The following LSM14B variants were observed in gnomAD, a reference collection of about 807,000 sequenced individuals.
The protein encoded by LSM14B is protein LSM14 homolog B.
Under a neutral mutation model 42.1 loss-of-function variants are expected in LSM14B, and 8 were observed. The ratio of observed to expected loss-of-function variants is 0.19; its 90% confidence interval spans 0.11 to 0.34. The LOEUF (loss-of-function observed/expected upper bound fraction) is 0.34. LSM14B is among the 10% of genes least tolerant of loss of function. LSM14B has a pLI of 1.00. For synonymous variants in LSM14B, 219 were observed against 209.7 expected (o/e 1.04, Z -0.38); for missense variants, 396 against 513.1 (o/e 0.77, Z 2.21).
chr20:62,130,399 G>T lies in LSM14B; in HGVS notation c.673+103G>T. ...CTGGTTGACGGTTTCAGGGGTGCTG[G>T]TGTGAAGTCGCTGCTTGTGTGCTCT... On this transcript the variant is annotated intron_variant, in intron 5 of 8. Transcript: ENST00000279068. This position sits in a 1 kb window ranked among gnomAD's most constrained non-coding sequence, Gnocchi z 4.1. The T allele has an allele frequency of 6.6e-7, 1 of 1,523,692 alleles. No homozygotes were observed. Among genetic ancestry groups the T allele is most frequent in the Non-Finnish European group, 8.9e-7 (1 of 1,121,410 alleles). The allele number at this position is 1,523,692 out of a possible 1,614,324, so 94.4% of individuals were successfully genotyped here. A position where few individuals can be genotyped will look rare whatever the true frequency, so the allele number is the denominator to read the frequency against.
rs970134473 is a variant in LSM14B, at chr20:62,130,771, T to C, written c.835+80T>C. 32 of 1,462,116 alleles carry C rather than the reference T, an allele frequency of 2.2e-5. No individual in the cohort carries two copies. In the Admixed American group the frequency reaches 5.0e-4, roughly 23 times the overall value. The allele number at this position is 1,462,116 out of a possible 1,614,324, so 90.6% of individuals were successfully genotyped here. ...TTAGGAGGAGATGCCTGGCCGGGTG[T>C]GGTGGTTCACGCCTGTAATCTCAGC... is the stretch of plus-strand genomic sequence containing the variant. On this transcript the variant is annotated intron_variant, in intron 6 of 8. Transcript: ENST00000279068. The surrounding 1 kb of genome is among the most constrained non-coding windows in gnomAD (Gnocchi z 4.1).
Position 62,134,914 on chromosome 20 carries a change from C to T in LSM14B, c.*766C>T, listed in dbSNP as rs533160435. ...GAGCCCCGGCAGCGCCTTGGCCCTT[C>T]TGTGGTCCCTGCCAGCCTCTGACCT... On this transcript the variant is annotated 3_prime_UTR_variant, in exon 9 of 9. Transcript: ENST00000279068. 6.5e-6 allele frequency: 1 copy of T among 152,764 alleles called. No homozygotes were observed. The highest frequency in any genetic ancestry group is 6.5e-5 in the Admixed American group (1 of 15,320). 9.5% of individuals were successfully genotyped at this position (152,764 alleles called of 1,614,324 possible).
rs752988851 is a variant in LSM14B, at chr20:62,130,703, T to C, written c.835+12T>C. ...ACTGAATTTTAAAGGTTTGGCTCAT[T>C]ATATGAAAATTATTCTCTGCACAGG... On this transcript the variant is annotated intron_variant, in intron 6 of 8. Transcript: ENST00000279068. This position sits in a 1 kb window ranked among gnomAD's most constrained non-coding sequence, Gnocchi z 4.1. 20 of 1,611,844 alleles carry C rather than the reference T, an allele frequency of 1.2e-5. No homozygotes were observed. Among genetic ancestry groups the C allele is most frequent in the Non-Finnish European group, 1.6e-5 (19 of 1,179,454 alleles).
Position 62,126,536 on chromosome 20 carries a change from T to C in LSM14B, c.427+97T>C, listed in dbSNP as rs1394615116. 4.1e-6 allele frequency: 6 copies of C among 1,466,100 alleles called. No homozygotes were observed. The East Asian group carries it at 1.2e-4, about 29-fold the overall frequency. The allele number at this position is 1,466,100 out of a possible 1,614,324, so 90.8% of individuals were successfully genotyped here. On this transcript the variant is annotated intron_variant, in intron 3 of 8. Coordinates refer to ENST00000279068, the MANE Select transcript of LSM14B (RefSeq NM_144703.3). ...AGGGTGGGGATATGCATTCCTGTCA[T>C]GCTCAGCTTGTAGACTGTTTTGTTG...
At chr20:62,131,216 A>C in intron 6 of LSM14B, 140 bp from the exon 7 acceptor site, 13 of 998,728 alleles carry the variant, frequency 1.3e-5, no homozygotes, top group Middle Eastern at 3.2e-4. Context: ...AGGTAGAAGA[A>C]GAGATTTCTG....
Position 62,130,750 on chromosome 20 carries a change from G to A in LSM14B, c.835+59G>A. 1 of 1,553,382 alleles carries A rather than the reference G, an allele frequency of 6.4e-7. No individual in the cohort carries two copies. Among genetic ancestry groups the A allele is most frequent in the Non-Finnish European group, 8.7e-7 (1 of 1,146,108 alleles). On this transcript the variant is annotated intron_variant, in intron 6 of 8. Transcript: ENST00000279068. This position sits in a 1 kb window ranked among gnomAD's most constrained non-coding sequence, Gnocchi z 4.1. ...CAGGAGTACCCCTAGAGAGTGTTAG[G>A]AGGAGATGCCTGGCCGGGTGTGGTG...
At chr20:62,128,716 C>T (rs1047734813) in intron 3 of LSM14B, among the ~76,000 whole-genome samples, 9 of 152,182 alleles carry the variant, frequency 5.9e-5, no homozygotes, top group Non-Finnish European at 1.2e-4. Flanking sequence ...GAAAGTGGCC[C>T]GGGTGCATTC....
intron 3 of LSM14B, chr20:62,128,934 T>G (rs774145123): frequency 7.7e-7 from 1 of 1,303,764 alleles, no homozygotes; most frequent in South Asian, 1.2e-5. Flanking sequence ...GGGTGCCTTT[T>G]CTGTTTCAGA....
intron 3 of LSM14B, among the ~76,000 whole-genome samples, 152 bp downstream of exon 3, chr20:62,126,591 C>T (rs1050688928): frequency 6.6e-6 from 1 of 152,254 alleles, no homozygotes; most frequent in African/African-American, 2.4e-5. Flanking sequence ...AGTGCAACTT[C>T]CGCTTGTGAG....
chr20:62,133,538 G>A, intron 8 of LSM14B, 63 bp downstream of exon 8: 1 of 1,532,342 alleles, frequency 6.5e-7, no homozygotes, highest in Admixed American at 2.3e-5. Context: ...CACCTGGAGA[G>A]CTTAGGAAGG....
rs1158867127 is a variant in LSM14B, at chr20:62,135,137, A to T, written c.*989A>T. ...TTTGTTGCATGAGTCGATGGGTCAG[A>T]ACTTTAGTATACGCATGCGTCCTCT... On this transcript the variant is annotated 3_prime_UTR_variant, in exon 9 of 9. Transcript: ENST00000279068. 3 of 152,236 alleles carry T rather than the reference A, an allele frequency of 2.0e-5. No individual in the cohort carries two copies. Among genetic ancestry groups the T allele is most frequent in the Non-Finnish European group, 2.9e-5 (2 of 68,048 alleles). The allele number at this position is 152,236 out of a possible 1,614,324, so 9.4% of individuals were successfully genotyped here.
Position 62,134,751 on chromosome 20 carries a change from T to A in LSM14B, c.*603T>A, listed in dbSNP as rs779550877. 1 of 165,028 alleles carries A rather than the reference T, an allele frequency of 6.1e-6. No homozygotes were observed. The highest frequency in any genetic ancestry group is 1.3e-5 in the Non-Finnish European group (1 of 76,582). The allele number at this position is 165,028 out of a possible 1,614,324, so 10.2% of individuals were successfully genotyped here. ...CACCCTGATGGCATCCACAGTGATG[T>A]CAAGGTTGGGGCTGGCCAGGGGTGG... On this transcript the variant is annotated 3_prime_UTR_variant, in exon 9 of 9. Transcript: ENST00000279068.
rs189253852 is a variant in LSM14B, at chr20:62,130,089, C to T, written c.596-130C>T. ...GCCCCATGTGCTTTTGCAGGGCAGGCCTGTGCAGCAGCCTCCTGCGGTGCC... is the reference window on the plus strand; with the variant it reads ...GCCCCATGTGCTTTTGCAGGGCAGGTCTGTGCAGCAGCCTCCTGCGGTGCC... On this transcript the variant is annotated intron_variant, in intron 4 of 8. Coordinates refer to ENST00000279068, the MANE Select transcript of LSM14B (RefSeq NM_144703.3). The surrounding 1 kb of genome is among the most constrained non-coding windows in gnomAD (Gnocchi z 4.1). The T allele has an allele frequency of 2.7e-5, 39 of 1,433,526 alleles. No individual in the cohort carries two copies. Among genetic ancestry groups the T allele is most frequent in the Admixed American group, 2.2e-4 (10 of 46,328 alleles). The allele number at this position is 1,433,526 out of a possible 1,614,324, so 88.8% of individuals were successfully genotyped here.
At chr20:62,125,976 G>A (rs531796189) in intron 2 of LSM14B, among the ~76,000 whole-genome samples, 4 of 152,250 alleles carry the variant, frequency 2.6e-5, no homozygotes, top group South Asian at 4.1e-4. Flanking sequence ...TGGGAGAATC[G>A]CTTGAACCTG....
chr20:62,125,150 A>G (rs973667776), intron 2 of LSM14B, among the ~76,000 whole-genome samples: 28 of 152,204 alleles, frequency 1.8e-4, no homozygotes, highest in African/African-American at 6.0e-4. Context: ...AAGTGCTAGG[A>G]TTACAGGCGT....
Position 62,131,452 on chromosome 20 carries a change from A to G in LSM14B, c.932A>G (p.Tyr311Cys), listed in dbSNP as rs2056764211. 1 of 1,613,974 alleles carries G rather than the reference A, an allele frequency of 6.2e-7. No homozygotes were observed. The highest frequency in any genetic ancestry group is 8.5e-7 in the Non-Finnish European group (1 of 1,179,874). ...GAAGACCTTCTGGGGCCCAACTGCTACTATGACAAATCCAAGTCGTTCTTC... is the reference window on the plus strand; with the variant it reads ...GAAGACCTTCTGGGGCCCAACTGCTGCTATGACAAATCCAAGTCGTTCTTC... The part of the protein sequence containing the change: ...AEEDLLGPNC[Y>C]YDKSKSFFDN... Residue 311 changes from tyrosine to cysteine, a missense_variant, in exon 7 of 9, where the codon TAC becomes TGC. Physicochemically the swap from Tyr to Cys is radical, Grantham distance 194. Coordinates refer to ENST00000279068, the MANE Select transcript of LSM14B (RefSeq NM_144703.3).
intron 8 of LSM14B, 30 bp downstream of exon 8, chr20:62,133,505 G>A: frequency 1.9e-6 from 3 of 1,598,462 alleles, no homozygotes; most frequent in Non-Finnish European, 2.6e-6. Context: ...GGACGCTTTG[G>A]TGGGAGGGTG....
chr20:62,133,380 G>C lies in LSM14B; in HGVS notation c.1077G>C (p.Arg359=), dbSNP rs1327978967. The C allele has an allele frequency of 1.2e-6, 2 of 1,613,296 alleles. No homozygotes were observed. Among genetic ancestry groups the C allele is most frequent in the Non-Finnish European group, 1.7e-6 (2 of 1,179,658 alleles). Residue 359 remains arginine, a synonymous_variant, in exon 8 of 9, where the codon CGG becomes CGC. Coordinates refer to ENST00000279068, the MANE Select transcript of LSM14B (RefSeq NM_144703.3). The part of the protein sequence containing the change: ...SGRFLRGRSS[R]GGFRGGRGNG... ...GGTTTCTTCGTGGCCGCAGTTCTCG[G>C]GGCGGATTCCGAGGAGGCAGGGGCA...
Position 62,134,478 on chromosome 20 carries a change from T to C in LSM14B, c.*330T>C. The C allele has an allele frequency of 3.6e-6, 1 of 274,456 alleles. No homozygotes were observed. Among genetic ancestry groups the C allele is most frequent in the Non-Finnish European group, 7.4e-6 (1 of 135,852 alleles). The allele number at this position is 274,456 out of a possible 1,614,324, so 17.0% of individuals were successfully genotyped here. The stretch of plus-strand genomic sequence containing the variant: ...AGCTGAATCCTTACTTTGTGACTTT[T>C]TTTTTTTTTTTTAATGACAAGCTTT... On this transcript the variant is annotated 3_prime_UTR_variant, in exon 9 of 9. Transcript: ENST00000279068.
Sources: gnomAD v4.1 joint callset for allele counts (sites outside exome capture counted in the v4.1 genomes callset) on GRCh38, gnomAD v4.1.1 for gene constraint, Gnocchi (gnomAD v3.1) non-coding constraint, MANE v1.5 for transcripts, NCBI Gene and HGNC (gene_info 2026-07-23, HGNC 2026-07-21) for gene names.